The following LRMDA variants were observed in gnomAD, a reference collection of about 807,000 sequenced individuals.
The protein encoded by LRMDA is leucine-rich melanocyte differentiation-associated protein.
In LRMDA, 18 loss-of-function variants were observed where a neutral mutation model predicts 29.8. That is an observed-to-expected ratio of 0.60 (90% confidence interval 0.42 to 0.90). The LOEUF (loss-of-function observed/expected upper bound fraction) is 0.90, where lower values mean the gene tolerates loss of function less well. Among genes scored for constraint, LRMDA ranks in the 40% least tolerant of loss-of-function variants. LRMDA has a pLI of 0.00. For synonymous variants in LRMDA, 125 were observed against 109.4 expected (o/e 1.14, Z -0.89); for missense variants, 273 against 273.9 (o/e 1.00, Z 0.02).
At chr10:76,019,050 T>G (rs1367584538) in intron 2 of LRMDA, among the ~76,000 whole-genome samples, 1 of 152,210 alleles carries the variant, frequency 6.6e-6, no homozygotes, top group Non-Finnish European at 1.5e-5. Context: ...TTACGCCATT[T>G]TCCTGGCATA....
chr10:76,369,235 T>C (rs895211537), intron 6 of LRMDA, among the ~76,000 whole-genome samples: 3 of 152,180 alleles, frequency 2.0e-5, no homozygotes, highest in African/African-American at 7.2e-5. Flanking sequence ...TTTAAAGAAG[T>C]TCTGTTTTGA....
At chr10:76,200,120 C>T (rs1851400512) in intron 5 of LRMDA, among the ~76,000 whole-genome samples, 1 of 151,978 alleles carries the variant, frequency 6.6e-6, no homozygotes, top group South Asian at 2.1e-4. Context: ...TGCCACCAAG[C>T]CTGGCTAATT....
chr10:75,563,799 A>G (rs1840332221), intron 2 of LRMDA, among the ~76,000 whole-genome samples: 1 of 152,176 alleles, frequency 6.6e-6, no homozygotes, highest in Non-Finnish European at 1.5e-5. Context: ...GATCCACTCC[A>G]GACCCTGTTT....
chr10:75,855,257 A>G (rs1305979935), intron 2 of LRMDA, among the ~76,000 whole-genome samples: 1 of 152,040 alleles, frequency 6.6e-6, no homozygotes, highest in Non-Finnish European at 1.5e-5. Flanking sequence ...AATGATCGAC[A>G]TTCGAACTGG....
chr10:75,703,253 C>G (rs1842329609), intron 2 of LRMDA, among the ~76,000 whole-genome samples: 1 of 152,050 alleles, frequency 6.6e-6, no homozygotes, highest in Non-Finnish European at 1.5e-5. Flanking sequence ...CACGCTTTTC[C>G]CAGGAAGGGA....
chr10:75,575,886 G>A (rs956771070), intron 2 of LRMDA, among the ~76,000 whole-genome samples: 2 of 152,134 alleles, frequency 1.3e-5, no homozygotes, highest in African/African-American at 2.4e-5. Flanking sequence ...GATTTACTCT[G>A]GTGCCCACAC....
intron 6 of LRMDA, among the ~76,000 whole-genome samples, chr10:76,378,858 CTT>C (rs144037195): frequency 8.4e-6 from 1 of 118,964 alleles, no homozygotes; most frequent in Non-Finnish European, 1.6e-5. Context: ...CTTTTTTTTT[CTT>C]TTTTTTTTTT....
intron 2 of LRMDA, among the ~76,000 whole-genome samples, chr10:75,796,441 G>T (rs1274300970): frequency 6.6e-6 from 1 of 152,028 alleles, no homozygotes; most frequent in Admixed American, 6.6e-5. Flanking sequence ...TTTCTCCTTT[G>T]TTCTGTTATT....
chr10:75,697,088 C>T (rs1842243921), intron 2 of LRMDA, among the ~76,000 whole-genome samples: 1 of 152,128 alleles, frequency 6.6e-6, no homozygotes, highest in Non-Finnish European at 1.5e-5. Context: ...CATGTGGTGG[C>T]CATGAGGCAG....
intron 2 of LRMDA, among the ~76,000 whole-genome samples, chr10:75,877,151 C>T (rs1845212058): frequency 2.0e-5 from 3 of 152,190 alleles, no homozygotes; most frequent in South Asian, 2.1e-4. Flanking sequence ...AGTTCATATT[C>T]TTCACCACAG....
At chr10:76,002,167 A>G (rs1159721377) in intron 2 of LRMDA, among the ~76,000 whole-genome samples, 1 of 152,090 alleles carries the variant, frequency 6.6e-6, no homozygotes, top group Non-Finnish European at 1.5e-5. Flanking sequence ...ACACCCTCAC[A>G]TGGTAGAGAC....
chr10:75,486,168 T>C (rs551114146), intron 2 of LRMDA, among the ~76,000 whole-genome samples: 1 of 152,244 alleles, frequency 6.6e-6, no homozygotes, highest in Admixed American at 6.5e-5. Context: ...TTCAAATTTC[T>C]GTGAAATGTG....
At chr10:75,660,270 G>A (rs1333508192) in intron 2 of LRMDA, among the ~76,000 whole-genome samples, 1 of 151,978 alleles carries the variant, frequency 6.6e-6, no homozygotes, top group East Asian at 1.9e-4. Context: ...CCCACTTTAC[G>A]TTAATGTGAA....
intron 5 of LRMDA, among the ~76,000 whole-genome samples, chr10:76,228,610 A>C (rs1041221025): frequency 2.6e-5 from 4 of 152,180 alleles, no homozygotes; most frequent in Admixed American, 2.0e-4. Context: ...GCACTGAATC[A>C]ATTCAGGGTG....
chr10:75,872,904 A>G lies in LRMDA; in HGVS notation c.132-163104A>G, dbSNP rs1045090775. On this transcript the variant is annotated intron_variant, in intron 2 of 6. Coordinates refer to ENST00000611255, the MANE Select transcript of LRMDA (RefSeq NM_001305581.2). ...TTGTCTTCTCTCCTTCTTAGAGACA[A>G]TAAGTGTATTCAGGGCAAGGCTGGT... is the stretch of plus-strand genomic sequence containing the variant. Among the ~76,000 whole-genome samples, 61 of 152,158 alleles carry G rather than the reference A, an allele frequency of 4.0e-4. 1 individual carries two copies. Among genetic ancestry groups the G allele is most frequent in the Admixed American group, 3.4e-3 (52 of 15,272 alleles).
At chr10:76,075,612 A>G (rs1299221934) in intron 5 of LRMDA, among the ~76,000 whole-genome samples, 1 of 152,252 alleles carries the variant, frequency 6.6e-6, no homozygotes, top group Admixed American at 6.5e-5. Flanking sequence ...CATACTGAGC[A>G]CTTGTGTTTT....
intron 2 of LRMDA, among the ~76,000 whole-genome samples, chr10:76,003,529 C>T (rs1050165213): frequency 2.6e-5 from 4 of 152,138 alleles, no homozygotes; most frequent in South Asian, 2.1e-4. Context: ...AGACGTTACA[C>T]GTTGGAGGGC....
intron 5 of LRMDA, among the ~76,000 whole-genome samples, chr10:76,134,122 G>T (rs1589342610): frequency 6.6e-6 from 1 of 152,172 alleles, no homozygotes; most frequent in Non-Finnish European, 1.5e-5. Flanking sequence ...CTGACCCTTT[G>T]CTTTAATCAA....
intron 5 of LRMDA, among the ~76,000 whole-genome samples, chr10:76,150,648 T>G (rs1027821128): frequency 6.6e-6 from 1 of 152,170 alleles, no homozygotes; most frequent in Non-Finnish European, 1.5e-5. Context: ...CTGTCTCAGT[T>G]TGTGGGCAGT....
Sources: gnomAD v4.1 joint callset for allele counts (sites outside exome capture counted in the v4.1 genomes callset) on GRCh38, gnomAD v4.1.1 for gene constraint, MANE v1.5 for transcripts, NCBI Gene and HGNC (gene_info 2026-07-23, HGNC 2026-07-21) for gene names.